The following NCAM1 variants were observed in gnomAD, a reference collection of about 807,000 sequenced individuals.
NCAM1 encodes antigen recognized by monoclonal antibody 5.1H11.
Under a neutral mutation model 109.8 loss-of-function variants are expected in NCAM1, and 14 were observed. That is an observed-to-expected ratio of 0.13 (90% CI 0.08 to 0.20). The LOEUF (loss-of-function observed/expected upper bound fraction) is 0.20. Ranked by LOEUF, NCAM1 falls within the 10% of genes least tolerant of loss-of-function variation. NCAM1 has a pLI of 1.00. For synonymous variants in NCAM1, 418 were observed against 442.9 expected, an observed-to-expected ratio of 0.94 and a Z score of 0.70; for missense variants, 774 against 1,109.9, an observed-to-expected ratio of 0.70 and a Z score of 4.30.
rs570114014 is a variant in NCAM1 at position 113,213,841 on chromosome 11, C to A, written c.917-528C>A. Reference sequence around the variant, plus strand: ...GATTAACCTTCTTGAAATACAAATGCTTTTGTGCCCCTGACTAAATGCTGT... The same window carrying A: ...GATTAACCTTCTTGAAATACAAATGATTTTGTGCCCCTGACTAAATGCTGT... On this transcript the variant is annotated intron_variant, in intron 7 of 19. Transcript: ENST00000316851. 3.9e-5 allele frequency among the ~76,000 whole-genome samples: 6 copies of A among 152,340 alleles called. No homozygotes were observed. The East Asian group carries it at 1.2e-3, about 29-fold the overall frequency.
chr11:113,228,433 G>A (rs1292176683), intron 9 of NCAM1, among the ~76,000 whole-genome samples: 1 of 152,210 alleles, frequency 6.6e-6, no homozygotes, highest in South Asian at 2.1e-4. Flanking sequence ...GAAATAAGAG[G>A]ATACAAACAA....
intron 1 of NCAM1, among the ~76,000 whole-genome samples, chr11:113,031,517 C>A (rs75783657): frequency 6.6e-6 from 1 of 152,048 alleles, no homozygotes; most frequent in Non-Finnish European, 1.5e-5. Context: ...CATGGTGAAA[C>A]CCCTGCTCCA....
At chr11:113,177,663 C>T (rs1361015478) in intron 1 of NCAM1, among the ~76,000 whole-genome samples, 2 of 152,094 alleles carry the variant, frequency 1.3e-5, no homozygotes, top group Admixed American at 6.5e-5. Context: ...AAACTCCCGA[C>T]CTCAGGTGAT....
intron 1 of NCAM1, among the ~76,000 whole-genome samples, chr11:113,010,521 A>G (rs782191366): frequency 5.9e-5 from 9 of 152,184 alleles, no homozygotes; most frequent in Non-Finnish European, 1.3e-4. Flanking sequence ...TCTATTCTCC[A>G]GAGTGCCTTC....
In NCAM1 at chr11:112,984,417, A is replaced by AT. The variant is rs577256442; in HGVS notation, c.52+22759dup. On this transcript the variant is annotated intron_variant, in intron 1 of 19. Transcript: ENST00000316851. ...CTTTGGGTACATATCCAGAAGAGGGATTTTTTCTGGGTCATATAGTAGTTC... is the reference window on the plus strand; with the variant it reads ...CTTTGGGTACATATCCAGAAGAGGGATTTTTTTCTGGGTCATATAGTAGTTC... 9.2e-5 allele frequency among the ~76,000 whole-genome samples: 14 copies of AT among 151,746 alleles called. No homozygotes were observed. The South Asian group carries it at 2.5e-3, about 27-fold the overall frequency.
intron 1 of NCAM1, among the ~76,000 whole-genome samples, chr11:113,142,026 C>T (rs566225523): frequency 1.9e-4 from 29 of 152,220 alleles, no homozygotes; most frequent in African/African-American, 6.3e-4. Context: ...ACAAACGGCC[C>T]CTAATTTTTC....
intron 17 of NCAM1, among the ~76,000 whole-genome samples, chr11:113,265,444 G>C (rs1386287015): frequency 6.6e-6 from 1 of 152,184 alleles, no homozygotes; most frequent in Admixed American, 6.5e-5. Flanking sequence ...TTGCAGAACT[G>C]GGGAGGTGGT....
chr11:113,088,625 T>G (rs12288106), intron 1 of NCAM1, among the ~76,000 whole-genome samples: 10,987 of 152,200 alleles, frequency 0.072, 729 homozygotes, highest in Admixed American at 0.17. Context: ...TATGGGCCTG[T>G]CTTCTGATGT....
rs185213740 is a variant in NCAM1, at chr11:113,273,777, G to T, written c.2457-1490G>T. On this transcript the variant is annotated intron_variant, in intron 19 of 19. Coordinates refer to ENST00000316851, the MANE Select transcript of NCAM1 (RefSeq NM_181351.5). This position sits in a 1 kb window ranked among gnomAD's most constrained non-coding sequence, Gnocchi z 6.0. ...CGGCCTCTCTTTGTCTGCTGTCATCGGGTTGTGTCCTGTGGTGGTGTGCAT... is the reference window on the plus strand; with the variant it reads ...CGGCCTCTCTTTGTCTGCTGTCATCTGGTTGTGTCCTGTGGTGGTGTGCAT... The T allele has an allele frequency of 2.4e-6, 1 of 416,576 alleles. No individual in the cohort carries two copies. Among genetic ancestry groups the T allele is most frequent in the Admixed American group, 2.6e-5 (1 of 39,102 alleles). The allele number at this position is 416,576 out of a possible 1,614,324, so 25.8% of individuals were successfully genotyped here.
intron 14 of NCAM1, chr11:113,240,710 G>GCGC: frequency 7.1e-7 from 1 of 1,405,798 alleles, no homozygotes; most frequent in South Asian, 1.2e-5. Flanking sequence ...CAGGGTTGTT[G>GCGC]CTTCCATTTT....
chr11:113,040,093 G>C (rs1172807054), intron 1 of NCAM1, among the ~76,000 whole-genome samples: 1 of 152,158 alleles, frequency 6.6e-6, no homozygotes, highest in African/African-American at 2.4e-5. Context: ...AGTGAGCCGA[G>C]ATCGCGTCAC....
intron 1 of NCAM1, among the ~76,000 whole-genome samples, chr11:113,074,091 A>G (rs1165368270): frequency 6.6e-6 from 1 of 152,210 alleles, no homozygotes; most frequent in Non-Finnish European, 1.5e-5. Flanking sequence ...CACCTTGAAA[A>G]TAAGGTACGT....
chr11:113,180,949 G>C (rs955734129), intron 1 of NCAM1, among the ~76,000 whole-genome samples: 1 of 152,214 alleles, frequency 6.6e-6, no homozygotes, highest in African/African-American at 2.4e-5. Flanking sequence ...ACAGTTAAAC[G>C]CTTCGGTGTT....
intron 1 of NCAM1, among the ~76,000 whole-genome samples, chr11:113,062,841 G>A (rs974929485): frequency 6.6e-6 from 1 of 152,084 alleles, no homozygotes; most frequent in Non-Finnish European, 1.5e-5. Context: ...GGTGGTGTGT[G>A]CCTTTATTCC....
chr11:113,233,381 C>G lies in NCAM1; in HGVS notation c.1693+64C>G. On this transcript the variant is annotated intron_variant, in intron 13 of 19. Transcript: ENST00000316851. This position sits in a 1 kb window ranked among gnomAD's most constrained non-coding sequence, Gnocchi z 4.5. Reference sequence around the variant, plus strand: ...GTGCCTCAGTACTCAGATGTCCCCACCTGCCATCCTGGGCATGTTCCTACA... The same window carrying G: ...GTGCCTCAGTACTCAGATGTCCCCAGCTGCCATCCTGGGCATGTTCCTACA... The G allele has an allele frequency of 4.0e-6, 6 of 1,494,032 alleles. No individual in the cohort carries two copies. Among genetic ancestry groups the G allele is most frequent in the African/African-American group, 1.4e-5 (1 of 72,468 alleles). 92.5% of individuals were successfully genotyped at this position (1,494,032 alleles called of 1,614,324 possible).
intron 1 of NCAM1, among the ~76,000 whole-genome samples, chr11:113,201,226 A>G (rs1202287323): frequency 6.6e-6 from 1 of 152,074 alleles, no homozygotes; most frequent in African/African-American, 2.4e-5. Context: ...GGACAACTGT[A>G]GTCTCTCCAT....
intron 16 of NCAM1, among the ~76,000 whole-genome samples, chr11:113,259,575 G>T (rs1251386624): frequency 6.6e-6 from 1 of 152,178 alleles, no homozygotes; most frequent in Non-Finnish European, 1.5e-5. Flanking sequence ...ATGGGACCTT[G>T]ACGGTGTTGG....
chr11:113,111,940 GA>G (rs1203410591), intron 1 of NCAM1, among the ~76,000 whole-genome samples: 2 of 152,124 alleles, frequency 1.3e-5, no homozygotes, highest in Non-Finnish European at 2.9e-5. Flanking sequence ...TCTCATCGCA[GA>G]TCTTATTTTT....
chr11:112,978,889 G>GT (rs1951075882), intron 1 of NCAM1, among the ~76,000 whole-genome samples: 1 of 151,798 alleles, frequency 6.6e-6, no homozygotes. Flanking sequence ...CTAGAAAGTA[G>GT]TTCACTGAGT....
Sources: gnomAD v4.1 joint callset for allele counts (sites outside exome capture counted in the v4.1 genomes callset) on GRCh38, gnomAD v4.1.1 for gene constraint, Gnocchi (gnomAD v3.1) non-coding constraint, MANE v1.5 for transcripts, NCBI Gene and HGNC (gene_info 2026-07-23, HGNC 2026-07-21) for gene names.